EPHB2: variants seen among roughly 807,000 people sequenced by gnomAD.
The protein encoded by EPHB2 is EPH receptor B2, also known as ephrin type-B receptor 2.
Under a neutral mutation model 96.4 loss-of-function variants are expected in EPHB2, and 18 were observed. That is an observed-to-expected ratio of 0.19 (90% CI 0.13 to 0.28). The LOEUF (loss-of-function observed/expected upper bound fraction) is 0.28. Among genes scored for constraint, EPHB2 ranks in the 10% least tolerant of loss-of-function variants. EPHB2 has a pLI of 1.00. For missense variants in EPHB2, 989 were observed against 1,355.4 expected (o/e 0.73, Z 4.25); for synonymous variants, 506 against 534.1 (o/e 0.95, Z 0.72).
chr1:22,774,463 G>A (rs1463401134), intron 1 of EPHB2: 1 of 602,504 alleles, frequency 1.7e-6, no homozygotes, highest in Non-Finnish European at 2.1e-6. Context: ...GAGGCTTTGA[G>A]CTCAGTTTTG....
intron 1 of EPHB2, among the ~76,000 whole-genome samples, chr1:22,779,894 G>A (rs989431877): frequency 4.6e-5 from 7 of 152,190 alleles, no homozygotes; most frequent in Admixed American, 1.3e-4. Context: ...TTGGAGCATG[G>A]CAACAAGCAT....
intron 6 of EPHB2, among the ~76,000 whole-genome samples, chr1:22,890,083 C>T (rs1639344072): frequency 6.6e-6 from 1 of 152,136 alleles, no homozygotes; most frequent in Admixed American, 6.5e-5. Context: ...TCTGGAATGC[C>T]AGGCTAAGGA....
chr1:22,806,500 CGGACGGATGGATGGAT>C lies in EPHB2; in HGVS notation c.811+21428_811+21443del, dbSNP rs1215856061. Among the ~76,000 whole-genome samples, 843 of 105,548 alleles carry C rather than the reference CGGACGGATGGATGGAT, an allele frequency of 8.0e-3. 24 individuals are homozygous for C. The East Asian group carries it at 0.11, about 13-fold the overall frequency. 69.2% of individuals were successfully genotyped at this position (105,548 alleles called of 152,430 possible). A position where few individuals can be genotyped will look rare whatever the true frequency, so the allele number is the denominator to read the frequency against. The stretch of plus-strand genomic sequence containing the variant: ...ATGGACGGACGGACGGACGGACGGA[CGGACGGATGGATGGAT>C]GGATGGATGGATGGATGGGAAAGGA... On this transcript the variant is annotated intron_variant, in intron 3 of 15. Coordinates refer to ENST00000374630, the MANE Select transcript of EPHB2 (RefSeq NM_017449.5).
rs1265396768 is a variant in EPHB2, at chr1:22,858,496, G to A, written c.812-4541G>A. On this transcript the variant is annotated intron_variant, in intron 3 of 15. Transcript: ENST00000374630. This position sits in a 1 kb window ranked among gnomAD's most constrained non-coding sequence, Gnocchi z 7.7. ...GATCATCAGCCCCCTTTCCAGATGAGGAGACTGAGTTTCAAAGGGGAGGAG... is the reference window on the plus strand; with the variant it reads ...GATCATCAGCCCCCTTTCCAGATGAAGAGACTGAGTTTCAAAGGGGAGGAG... Among the ~76,000 whole-genome samples, 1 of 152,180 alleles carries A rather than the reference G, an allele frequency of 6.6e-6. No homozygotes were observed. The highest frequency in any genetic ancestry group is 2.4e-5 in the African/African-American group (1 of 41,438).
chr1:22,717,486 G>T (rs1277661605), intron 1 of EPHB2, among the ~76,000 whole-genome samples: 1 of 152,214 alleles, frequency 6.6e-6, no homozygotes, highest in East Asian at 1.9e-4. Flanking sequence ...CAGCCCCTGT[G>T]GGGTGGGAGT....
At chr1:22,771,180 G>T (rs533819700) in intron 1 of EPHB2, among the ~76,000 whole-genome samples, 1 of 152,162 alleles carries the variant, frequency 6.6e-6, no homozygotes, top group African/African-American at 2.4e-5. Flanking sequence ...ACCAGACTTG[G>T]CCCTGCCTAC....
In EPHB2 at chr1:22,877,376, G is replaced by A. The variant is rs956635716; in HGVS notation, c.1304-4983G>A. On this transcript the variant is annotated intron_variant, in intron 5 of 15. Coordinates refer to ENST00000374630, the MANE Select transcript of EPHB2 (RefSeq NM_017449.5). ...AAGCATGTGGTTTGCTGTTAGCTGC[G>A]CGGCCTTTCCCTTTTTCTGGGCACC... 2.0e-4 allele frequency among the ~76,000 whole-genome samples: 31 copies of A among 152,200 alleles called. 1 individual carries two copies. The highest frequency in any genetic ancestry group is 9.8e-4 in the Admixed American group (15 of 15,282).
At chr1:22,781,392 G>A (rs769316782) in intron 1 of EPHB2, 29 bp from the exon 2 acceptor site, 13 of 1,610,750 alleles carry the variant, frequency 8.1e-6, no homozygotes, top group African/African-American at 1.3e-5. Context: ...TAGGTGGGGC[G>A]GGGTGGTGAC....
intron 3 of EPHB2, among the ~76,000 whole-genome samples, chr1:22,845,649 G>A (rs1359582268): frequency 1.3e-5 from 2 of 152,134 alleles, no homozygotes; most frequent in Non-Finnish European, 2.9e-5. Flanking sequence ...GCTGAGATAA[G>A]AATGGTCTGT....
chr1:22,739,772 A>C (rs1438546526), intron 1 of EPHB2, among the ~76,000 whole-genome samples: 1 of 152,164 alleles, frequency 6.6e-6, no homozygotes, highest in African/African-American at 2.4e-5. Context: ...CCTGCGCAGC[A>C]GCCCAGAAGC....
chr1:22,764,129 T>G (rs1374092285), intron 1 of EPHB2, among the ~76,000 whole-genome samples: 2 of 152,224 alleles, frequency 1.3e-5, no homozygotes, highest in Admixed American at 6.5e-5. Flanking sequence ...TGGCCATCTC[T>G]TGGGGGACAT....
chr1:22,913,244 GA>G lies in EPHB2; in HGVS notation c.2853-216del. On this transcript the variant is annotated intron_variant, in intron 15 of 15. Transcript: ENST00000374630. This position sits in a 1 kb window ranked among gnomAD's most constrained non-coding sequence, Gnocchi z 4.1. ...TTCCCCCTCCCAATAGCAGGGGAGAGAAGGCCCCCTAGGGACCCTGATTCCG... is the reference window on the plus strand; with the variant it reads ...TTCCCCCTCCCAATAGCAGGGGAGAGAGGCCCCCTAGGGACCCTGATTCCG... 1.6e-6 allele frequency: 1 copy of G among 613,366 alleles called. No homozygotes were observed. The highest frequency in any genetic ancestry group is 2.9e-6 in the Non-Finnish European group (1 of 344,716). 38.0% of individuals were successfully genotyped at this position (613,366 alleles called of 1,614,324 possible). A position where few individuals can be genotyped will look rare whatever the true frequency, so the allele number is the denominator to read the frequency against.
chr1:22,756,904 T>G (rs1644160699), intron 1 of EPHB2, among the ~76,000 whole-genome samples: 1 of 152,210 alleles, frequency 6.6e-6, no homozygotes, highest in African/African-American at 2.4e-5. Flanking sequence ...CTGGGTATGA[T>G]TCCATTTGCA....
chr1:22,839,184 C>A (rs1645429421), intron 3 of EPHB2, among the ~76,000 whole-genome samples: 1 of 152,172 alleles, frequency 6.6e-6, no homozygotes, highest in African/African-American at 2.4e-5. Context: ...TCCTGCCAAC[C>A]CACATGCTAC....
intron 9 of EPHB2, among the ~76,000 whole-genome samples, chr1:22,901,024 G>T (rs1639731525): frequency 6.6e-6 from 1 of 152,160 alleles, no homozygotes; most frequent in South Asian, 2.1e-4. Flanking sequence ...TGGCCAGCTG[G>T]GTGACCTCGG....
At chr1:22,814,151 C>G (rs113405521) in intron 3 of EPHB2, among the ~76,000 whole-genome samples, 1 of 151,856 alleles carries the variant, frequency 6.6e-6, no homozygotes, top group Non-Finnish European at 1.5e-5. Context: ...GCCTGGGCAA[C>G]GAGAGCGAAA....
At chr1:22,911,143 A>AAAATAAATAAATAAATAAATAAAT (rs59316223) in intron 14 of EPHB2, among the ~76,000 whole-genome samples, 7 of 133,814 alleles carry the variant, frequency 5.2e-5, no homozygotes, top group South Asian at 2.3e-4. Context: ...TCCATCTAAA[A>AAAATAAATAAATAAATAAATAAAT]AAATAAATAA....
At chr1:22,912,123 G>A (rs933857808) in intron 14 of EPHB2, among the ~76,000 whole-genome samples, 23 of 152,144 alleles carry the variant, frequency 1.5e-4, no homozygotes, top group Non-Finnish European at 1.9e-4. Context: ...ATGGAGCTGC[G>A]TCTTCCCCTC....
At chr1:22,884,179 A>C (rs2148554040) in intron 6 of EPHB2, among the ~76,000 whole-genome samples, 1 of 152,328 alleles carries the variant, frequency 6.6e-6, no homozygotes, top group East Asian at 1.9e-4. Context: ...TGTGTGAATG[A>C]ATGAGAGACA....
Sources: allele counts gnomAD v4.1 joint callset (sites outside exome capture counted in the v4.1 genomes callset), GRCh38; gene constraint gnomAD v4.1.1; non-coding constraint Gnocchi (gnomAD v3.1); transcripts MANE v1.5; gene names NCBI Gene and HGNC (gene_info 2026-07-23, HGNC 2026-07-21).